The following IFT43 variants were observed in gnomAD, a reference collection of about 807,000 sequenced individuals.
The protein encoded by IFT43 is intraflagellar transport 43.
IFT43 carries 33 observed loss-of-function variants against 32.3 expected under a neutral mutation model. The ratio of observed to expected loss-of-function variants is 1.02; its 90% CI spans 0.77 to 1.37. The LOEUF (loss-of-function observed/expected upper bound fraction) is 1.37, where lower values mean the gene tolerates loss of function less well. Ranked by LOEUF, IFT43 falls within the 40% of genes most tolerant of loss-of-function variation. The pLI is 0.00. For missense variants in IFT43, 274 were observed against 265.9 expected, an observed-to-expected ratio of 1.03 and a Z score of -0.21; for synonymous variants, 93 against 98.2, an observed-to-expected ratio of 0.95 and a Z score of 0.31.
intron 3 of IFT43, among the ~76,000 whole-genome samples, chr14:76,029,449 A>C (rs7144983): frequency 0.33 from 50,102 of 152,118 alleles, 9,690 homozygotes; most frequent in Non-Finnish European, 0.43. Context: ...TGCTGTGCAG[A>C]AGCTTGTTAA....
chr14:76,057,754 T>C (rs917502024), intron 3 of IFT43, among the ~76,000 whole-genome samples: 1 of 152,160 alleles, frequency 6.6e-6, no homozygotes, highest in African/African-American at 2.4e-5. Context: ...TGGTGCTAGA[T>C]TTCTGACTTC....
intron 5 of IFT43, chr14:76,076,692 G>A (rs1024553685): frequency 2.5e-6 from 4 of 1,614,046 alleles, no homozygotes; most frequent in Non-Finnish European, 3.4e-6. Context: ...GAAGAGGCAG[G>A]TAGGCTTTTG....
At chr14:76,033,982 G>A (rs564787948) in intron 3 of IFT43, among the ~76,000 whole-genome samples, 5 of 152,334 alleles carry the variant, frequency 3.3e-5, no homozygotes, top group Non-Finnish European at 7.3e-5. Flanking sequence ...ACAGGATCAT[G>A]AAGAAGGCAT....
intron 2 of IFT43, among the ~76,000 whole-genome samples, chr14:75,999,283 T>TA (rs2035837815): frequency 3.0e-5 from 1 of 33,614 alleles, no homozygotes; most frequent in African/African-American, 9.0e-5. Context: ...GTATATATAT[T>TA]TTTTTTTTTT....
chr14:76,003,631 CA>C lies in IFT43; in HGVS notation c.147+14665del, dbSNP rs549597225. Reference sequence around the variant, plus strand: ...TGGGCTACAGAGCGAGACTCCGTTTCAAAAAAAAAAATTATGCCACTTCATA... The same window carrying C: ...TGGGCTACAGAGCGAGACTCCGTTTCAAAAAAAAAATTATGCCACTTCATA... On this transcript the variant is annotated intron_variant, in intron 2 of 8. Transcript: ENST00000314067. Among the ~76,000 whole-genome samples the C allele has an allele frequency of 3.3e-4, 47 of 141,798 alleles. 2 individuals are homozygous for C. The highest frequency in any genetic ancestry group is 2.5e-3 in the Admixed American group (35 of 14,250). The allele number at this position is 141,798 out of a possible 152,430, so 93.0% of individuals were successfully genotyped here. A position where few individuals can be genotyped will look rare whatever the true frequency, so the allele number is the denominator to read the frequency against.
chr14:76,028,874 A>G (rs1318117169), intron 3 of IFT43, among the ~76,000 whole-genome samples: 5 of 152,170 alleles, frequency 3.3e-5, no homozygotes, highest in Non-Finnish European at 5.9e-5. Context: ...ATGGACACCT[A>G]GTTTGATTCC....
intron 5 of IFT43, among the ~76,000 whole-genome samples, chr14:76,061,313 G>A (rs117529800): frequency 0.017 from 2,629 of 152,250 alleles, 41 homozygotes; most frequent in South Asian, 0.079. Flanking sequence ...TTCCTAATAT[G>A]CCTTGGTGTG....
intron 5 of IFT43, among the ~76,000 whole-genome samples, chr14:76,067,828 A>AG (rs1430167862): frequency 6.6e-6 from 1 of 152,246 alleles, no homozygotes; most frequent in Non-Finnish European, 1.5e-5. Flanking sequence ...GAACCCAGAG[A>AG]GGAGATGCCT....
rs1015271336 is a variant in IFT43, at chr14:76,008,919, G to A, written c.148-13408G>A. Among the ~76,000 whole-genome samples, 10 of 152,072 alleles carry A rather than the reference G, an allele frequency of 6.6e-5. 1 individual carries two copies. Among genetic ancestry groups the A allele is most frequent in the Admixed American group, 5.2e-4 (8 of 15,260 alleles). ...AATCCTTGACTTGCCTCATTAAAGG[G>A]GTAAGGATTAGACCATGCTATTTTC... On this transcript the variant is annotated intron_variant, in intron 2 of 8. Coordinates refer to ENST00000314067, the MANE Select transcript of IFT43 (RefSeq NM_001102564.3).
chr14:76,020,728 G>C (rs1478826186), intron 2 of IFT43, among the ~76,000 whole-genome samples: 2 of 152,178 alleles, frequency 1.3e-5, no homozygotes, highest in African/African-American at 4.8e-5. Context: ...AAGTGGGCTG[G>C]TCCTTAGGCA....
intron 5 of IFT43, among the ~76,000 whole-genome samples, chr14:76,071,141 G>A (rs376587223): frequency 6.6e-6 from 1 of 152,142 alleles, no homozygotes; most frequent in Non-Finnish European, 1.5e-5. Flanking sequence ...GGGAACGGGG[G>A]CCGGGTGAGG....
rs1224037593 is a variant in IFT43 at position 76,033,295 on chromosome 14, C to T, written c.215+10901C>T. Among the ~76,000 whole-genome samples the T allele has an allele frequency of 2.6e-5, 4 of 151,988 alleles. No individual in the cohort carries two copies. The East Asian group carries it at 5.8e-4, about 22-fold the overall frequency. The stretch of plus-strand genomic sequence containing the variant: ...GATTAAGAATCATGTCTGCAATATT[C>T]GAGGAAAGAGTAATTAGAAATGAAG... On this transcript the variant is annotated intron_variant, in intron 3 of 8. Coordinates refer to ENST00000314067, the MANE Select transcript of IFT43 (RefSeq NM_001102564.3).
chr14:76,081,724 G>A (rs1217626038), intron 5 of IFT43, among the ~76,000 whole-genome samples: 4 of 152,212 alleles, frequency 2.6e-5, no homozygotes, highest in African/African-American at 7.2e-5. Flanking sequence ...GCAAATGGAC[G>A]CCTGGATCCC....
intron 2 of IFT43, among the ~76,000 whole-genome samples, chr14:75,999,259 ATATATATATATATGTATATATATTTT>A (rs1237144474): frequency 2.3e-4 from 5 of 21,574 alleles, no homozygotes; most frequent in South Asian, 3.8e-3. Context: ...ATATATATAT[ATATATATATATATGTATATATATTTT>A]TTTTTTTTTT....
At chr14:76,071,531 AC>A (rs1448815718) in intron 5 of IFT43, among the ~76,000 whole-genome samples, 2 of 152,198 alleles carry the variant, frequency 1.3e-5, no homozygotes, top group South Asian at 2.1e-4. Flanking sequence ...AAATACTCCC[AC>A]CATGATTGAT....
At chr14:76,016,183 TG>T (rs2036184910) in intron 2 of IFT43, among the ~76,000 whole-genome samples, 2 of 152,248 alleles carry the variant, frequency 1.3e-5, no homozygotes, top group Admixed American at 1.3e-4. Context: ...GTTTTTATAC[TG>T]TCAGGTCTTA....
At chr14:76,024,525 T>C (rs925124162) in intron 3 of IFT43, among the ~76,000 whole-genome samples, 2 of 152,234 alleles carry the variant, frequency 1.3e-5, no homozygotes, top group African/African-American at 2.4e-5. Flanking sequence ...ATAACGCCTA[T>C]TGCAAAGAAT....
intron 2 of IFT43, among the ~76,000 whole-genome samples, chr14:75,995,137 T>C (rs2035719816): frequency 6.6e-6 from 1 of 152,218 alleles, no homozygotes; most frequent in South Asian, 2.1e-4. Flanking sequence ...ACTCTTATCA[T>C]CATGTTGTAC....
chr14:75,988,376 C>G (rs1416243842), intron 1 of IFT43, among the ~76,000 whole-genome samples: 1 of 152,132 alleles, frequency 6.6e-6, no homozygotes, highest in Non-Finnish European at 1.5e-5. Flanking sequence ...TCCTATTTTC[C>G]TATCAAATAG....
Sources: gnomAD v4.1 joint callset for allele counts (sites outside exome capture counted in the v4.1 genomes callset) on GRCh38, gnomAD v4.1.1 for gene constraint, MANE v1.5 for transcripts, NCBI Gene and HGNC (gene_info 2026-07-23, HGNC 2026-07-21) for gene names.